Variants in BEND6 observed in about 807,000 individuals in gnomAD.
The protein encoded by BEND6 is BEN domain-containing protein 6.
Under a neutral mutation model 31.8 loss-of-function variants are expected in BEND6, and 24 were observed. That is an observed-to-expected ratio of 0.75 (90% CI 0.55 to 1.06). BEND6 has a LOEUF of 1.06. Ranked by LOEUF, BEND6 falls within the 50% of genes least tolerant of loss-of-function variation. BEND6 has a pLI of 0.00. For synonymous variants in BEND6, 109 were observed against 114.6 expected (o/e 0.95, Z 0.31); for missense variants, 294 against 327.4 (o/e 0.90, Z 0.79).
chr6:56,972,818 G>A (rs901159135), intron 1 of BEND6, among the ~76,000 whole-genome samples: 1 of 152,168 alleles, frequency 6.6e-6, no homozygotes, highest in Non-Finnish European at 1.5e-5. Flanking sequence ...AAGTTAGAAA[G>A]TACAAGAACA....
intron 6 of BEND6, among the ~76,000 whole-genome samples, chr6:57,019,248 T>C (rs1827663381): frequency 6.6e-6 from 1 of 152,212 alleles, no homozygotes; most frequent in African/African-American, 2.4e-5. Context: ...CAGGCAAAAC[T>C]GTGAAGTGGA....
Position 57,019,522 on chromosome 6 carries a change from T to C in BEND6, c.*9+965T>C, listed in dbSNP as rs191360814. ...CACTTTCGAGACCATTTTACTTGAC[T>C]TCATTTCTTCTGACCATGTTTTAAA... On this transcript the variant is annotated intron_variant, in intron 6 of 6. Coordinates refer to ENST00000370746, the MANE Select transcript of BEND6 (RefSeq NM_152731.3). Among the ~76,000 whole-genome samples, 807 of 152,292 alleles carry C rather than the reference T, an allele frequency of 5.3e-3. 5 individuals are homozygous for C. The highest frequency in any genetic ancestry group is 7.1e-3 in the Non-Finnish European group (486 of 68,018).
At chr6:56,992,770 C>T (rs1415685057) in intron 3 of BEND6, among the ~76,000 whole-genome samples, 1 of 152,096 alleles carries the variant, frequency 6.6e-6, no homozygotes, top group African/African-American at 2.4e-5. Context: ...TTAGATTCTC[C>T]TACAAAATAC....
At position 57,004,367 on chromosome 6, in the gene BEND6, G is replaced by A. The variant is rs1027454770; in HGVS notation, c.299-10766G>A. 2.6e-5 allele frequency among the ~76,000 whole-genome samples: 4 copies of A among 152,082 alleles called. No homozygotes were observed. The East Asian group carries it at 7.7e-4, about 29-fold the overall frequency. On this transcript the variant is annotated intron_variant, in intron 3 of 6. Coordinates refer to ENST00000370746, the MANE Select transcript of BEND6 (RefSeq NM_152731.3). ...ATGTAGGCCAGACTTTCTTCACCGT[G>A]GGTCCCCAAGGTTTCCTGCTTCAAC...
At chr6:56,970,220 A>G (rs1055983642) in intron 1 of BEND6, among the ~76,000 whole-genome samples, 3 of 151,718 alleles carry the variant, frequency 2.0e-5, no homozygotes, top group African/African-American at 7.3e-5. Flanking sequence ...TTTGAGACAG[A>G]GTCTCACTCT....
At chr6:56,967,279 G>A (rs1312017198) in intron 1 of BEND6, among the ~76,000 whole-genome samples, 1 of 152,146 alleles carries the variant, frequency 6.6e-6, no homozygotes, top group Non-Finnish European at 1.5e-5. Context: ...GCTGAGTATA[G>A]GGAAACCATG....
chr6:56,976,575 G>A (rs1033635955), intron 1 of BEND6, among the ~76,000 whole-genome samples: 5 of 148,080 alleles, frequency 3.4e-5, no homozygotes, highest in Admixed American at 6.7e-5. Flanking sequence ...GGGTTTGTTT[G>A]TTTGTTTGAG....
chr6:56,960,564 A>G (rs908335372), intron 1 of BEND6, among the ~76,000 whole-genome samples: 2 of 152,222 alleles, frequency 1.3e-5, no homozygotes, highest in African/African-American at 4.8e-5. Context: ...TTGAATAGCT[A>G]GAGTTCCCCT....
chr6:56,964,005 G>A (rs1562533911), intron 1 of BEND6, among the ~76,000 whole-genome samples: 1 of 143,744 alleles, frequency 7.0e-6, no homozygotes, highest in African/African-American at 2.6e-5. Context: ...TATAAAATAA[G>A]ATAGTAGTAA....
At chr6:57,018,039 A>G (rs560448626) in intron 5 of BEND6, among the ~76,000 whole-genome samples, 3 of 152,298 alleles carry the variant, frequency 2.0e-5, no homozygotes, top group Non-Finnish European at 4.4e-5. Flanking sequence ...TGTAATCCCA[A>G]TGGTTTGGGA....
chr6:57,005,920 T>C (rs767114514), intron 3 of BEND6, among the ~76,000 whole-genome samples: 13 of 152,230 alleles, frequency 8.5e-5, no homozygotes, highest in Non-Finnish European at 1.3e-4. Flanking sequence ...TTTAGTCATA[T>C]CAAGTTCCAA....
intron 5 of BEND6, among the ~76,000 whole-genome samples, chr6:57,018,020 G>C (rs1303885995): frequency 6.6e-6 from 1 of 152,214 alleles, no homozygotes; most frequent in Non-Finnish European, 1.5e-5. Flanking sequence ...GGGCGTGGTG[G>C]CTCATGCCTG....
intron 2 of BEND6, among the ~76,000 whole-genome samples, chr6:56,988,111 G>T (rs1826350382): frequency 6.6e-6 from 1 of 151,250 alleles, no homozygotes; most frequent in Admixed American, 6.6e-5. Context: ...CCGCCTCCTG[G>T]GTTCAACGGA....
intron 3 of BEND6, among the ~76,000 whole-genome samples, chr6:57,011,954 C>A (rs1827364001): frequency 6.6e-6 from 1 of 151,752 alleles, no homozygotes; most frequent in South Asian, 2.1e-4. Flanking sequence ...GGTGAAAGCC[C>A]ATTTCTACTA....
intron 3 of BEND6, chr6:57,014,171 G>C (rs538391335): frequency 8.3e-5 from 20 of 240,720 alleles, no homozygotes; most frequent in Non-Finnish European, 1.2e-4. Flanking sequence ...ATTACTGATG[G>C]AATAAGTGTC....
chr6:56,983,081 ACC>A (rs1826127439), intron 2 of BEND6, among the ~76,000 whole-genome samples: 1 of 152,168 alleles, frequency 6.6e-6, no homozygotes, highest in South Asian at 2.1e-4. Context: ...ACACTGTACC[ACC>A]TTATGTGTAC....
intron 1 of BEND6, among the ~76,000 whole-genome samples, chr6:56,977,763 C>A (rs1253489650): frequency 6.6e-6 from 1 of 151,668 alleles, no homozygotes; most frequent in Non-Finnish European, 1.5e-5. Context: ...TTGAAATCAA[C>A]CTAGACAATA....
At chr6:56,967,555 A>G (rs1430565767) in intron 1 of BEND6, among the ~76,000 whole-genome samples, 1 of 152,196 alleles carries the variant, frequency 6.6e-6, no homozygotes, top group Admixed American at 6.5e-5. Flanking sequence ...GTCAAACTCC[A>G]GACTCAGAGA....
rs145098279 is a variant in BEND6, at chr6:56,989,484, T to C, written c.121-2894T>C. 5.3e-4 allele frequency among the ~76,000 whole-genome samples: 81 copies of C among 152,302 alleles called. No homozygotes were observed. The Middle Eastern group carries it at 0.02, about 38-fold the overall frequency. On this transcript the variant is annotated intron_variant, in intron 2 of 6. Transcript: ENST00000370746. ...TCTTATGTATAGACCTAGAAATCAA[T>C]TGCAAGATCAGAGGGTAGGTAAATG...
Sources: allele counts gnomAD v4.1 joint callset (sites outside exome capture counted in the v4.1 genomes callset), GRCh38; gene constraint gnomAD v4.1.1; transcripts MANE v1.5; gene names NCBI Gene and HGNC (gene_info 2026-07-23, HGNC 2026-07-21).